Variants in BRD7 observed in about 807,000 individuals in gnomAD.
BRD7 encodes bromodomain containing 7.
Under a neutral mutation model 82.1 loss-of-function variants are expected in BRD7, and 15 were observed. That is an observed-to-expected ratio of 0.18 (90% CI 0.12 to 0.28). BRD7 has a LOEUF of 0.28. Ranked by LOEUF, BRD7 falls within the 10% of genes least tolerant of loss-of-function variation. BRD7 has a pLI of 1.00. For synonymous variants in BRD7, 232 were observed against 266.9 expected (o/e 0.87, Z 1.27); for missense variants, 638 against 779.9 (o/e 0.82, Z 2.17).
intron 5 of BRD7, among the ~76,000 whole-genome samples, chr16:50,345,184 G>C (rs534593185): frequency 1.4e-4 from 22 of 152,242 alleles, no homozygotes; most frequent in Non-Finnish European, 2.5e-4. Context: ...CATAAGTGAA[G>C]GAGAAATAAA....
chr16:50,349,701 C>A (rs760953122), intron 5 of BRD7: 20 of 438,652 alleles, frequency 4.6e-5, no homozygotes, highest in Non-Finnish European at 8.7e-5. Context: ...CCTCAACTTT[C>A]ATTAAAATAT....
At chr16:50,360,295 A>G (rs954330874) in intron 2 of BRD7, among the ~76,000 whole-genome samples, 12 of 152,244 alleles carry the variant, frequency 7.9e-5, no homozygotes, top group African/African-American at 2.7e-4. Flanking sequence ...ATTAACAGCT[A>G]AAGTCCTTAG....
chr16:50,364,121 T>C (rs1864433729), intron 2 of BRD7, among the ~76,000 whole-genome samples: 1 of 151,478 alleles, frequency 6.6e-6, no homozygotes, highest in South Asian at 2.1e-4. Context: ...CTAAGGTGAC[T>C]GTGTGATTAG....
rs377539224 is a variant in BRD7 at position 50,320,440 on chromosome 16, A to T, written c.1613-49T>A. The T allele has an allele frequency of 5.3e-5, 85 of 1,592,750 alleles. No homozygotes were observed. In the South Asian group the frequency reaches 9.3e-4, roughly 17 times the overall value. On this transcript the variant is annotated intron_variant, in intron 14 of 16. Transcript: ENST00000394688. Reference sequence around the variant, plus strand: ...ACTTCTGTTTGATCTTGTGCAGTAAACCGAATCCTAGGCTCTAGGGCTTTG... The same window carrying T: ...ACTTCTGTTTGATCTTGTGCAGTAATCCGAATCCTAGGCTCTAGGGCTTTG...
intron 13 of BRD7, 59 bp downstream of exon 13, chr16:50,321,923 T>C (rs993876494): frequency 6.7e-7 from 1 of 1,502,928 alleles, no homozygotes; most frequent in African/African-American, 1.4e-5. Flanking sequence ...TCTCAAGACT[T>C]CTCTTACTCC....
At chr16:50,368,605 C>A in intron 1 of BRD7, 121 bp downstream of exon 1, 1 of 1,084,112 alleles carries the variant, frequency 9.2e-7, no homozygotes, top group Non-Finnish European at 1.2e-6. Context: ...GCGCCCCCTT[C>A]GCCGGCCTGG....
At chr16:50,341,832 G>A (rs1160850768) in intron 5 of BRD7, among the ~76,000 whole-genome samples, 1 of 151,336 alleles carries the variant, frequency 6.6e-6, no homozygotes, top group Non-Finnish European at 1.5e-5. Context: ...AAGCCAATTT[G>A]TAGATTCCTT....
At chr16:50,320,456 T>C (rs1045763170) in intron 14 of BRD7, 65 bp from the exon 15 acceptor site, 4 of 1,571,440 alleles carry the variant, frequency 2.5e-6, no homozygotes, top group African/African-American at 2.7e-5. Context: ...TCCTAGGCTC[T>C]AGGGCTTTGC....
rs533491919 is a variant in BRD7, at chr16:50,359,374, C to A, written c.259-4452G>T. Among the ~76,000 whole-genome samples, 313 of 152,236 alleles carry A rather than the reference C, an allele frequency of 2.1e-3. 1 individual carries two copies. Among genetic ancestry groups the A allele is most frequent in the Admixed American group, 3.9e-3 (59 of 15,292 alleles). Reference sequence around the variant, plus strand: ...TTTAAAATAGACACAAGAATACATACCTCACAGGACTATTTTAAGGATTAA... The same window carrying A: ...TTTAAAATAGACACAAGAATACATAACTCACAGGACTATTTTAAGGATTAA... On this transcript the variant is annotated intron_variant, in intron 2 of 16. Transcript: ENST00000394688.
intron 7 of BRD7, 81 bp downstream of exon 7, chr16:50,334,630 A>C (rs1300996584): frequency 1.3e-6 from 2 of 1,520,756 alleles, no homozygotes; most frequent in East Asian, 2.3e-5. Context: ...GGTCTTCCCA[A>C]GTCAGGCCCC....
At chr16:50,350,297 C>G in intron 4 of BRD7, 130 bp from the exon 5 acceptor site, 1 of 617,902 alleles carries the variant, frequency 1.6e-6, no homozygotes. Flanking sequence ...ATATTTTTAA[C>G]TGAAAACTGA....
At chr16:50,361,842 C>T (rs2038947269) in intron 2 of BRD7, 3 of 152,216 alleles carry the variant, frequency 2.0e-5, no homozygotes, top group East Asian at 1.9e-4. Flanking sequence ...AGCTAATCCT[C>T]TAACAACAGC....
At chr16:50,368,617 C>T in intron 1 of BRD7, 109 bp downstream of exon 1, 1 of 1,175,842 alleles carries the variant, frequency 8.5e-7, no homozygotes, top group Non-Finnish European at 1.2e-6. Context: ...CCGGCCTGGG[C>T]CTGCCGTGGG....
intron 16 of BRD7, 121 bp downstream of exon 16, chr16:50,319,766 T>C: frequency 7.9e-7 from 1 of 1,270,688 alleles, no homozygotes; most frequent in South Asian, 1.4e-5. Context: ...ATCTACAGAT[T>C]TTGCTATCTT....
In BRD7 at chr16:50,317,856, T is replaced by G. The variant is rs2151121400; in HGVS notation, c.*1355A>C. The G allele has an allele frequency of 6.6e-6, 1 of 152,330 alleles. No individual in the cohort carries two copies. The highest frequency in any genetic ancestry group is 1.5e-5 in the Non-Finnish European group (1 of 68,002). 9.4% of individuals were successfully genotyped at this position (152,330 alleles called of 1,614,324 possible). The stretch of plus-strand genomic sequence containing the variant: ...TCTCCTGAGTTAACTTTTGTGAAAA[T>G]AATACCTAAGGTTTTCTGGCTTATT... On this transcript the variant is annotated 3_prime_UTR_variant, in exon 17 of 17. Coordinates refer to ENST00000394688, the MANE Select transcript of BRD7 (RefSeq NM_013263.5).
intron 2 of BRD7, among the ~76,000 whole-genome samples, chr16:50,358,938 T>A (rs2038841800): frequency 6.6e-6 from 1 of 152,254 alleles, no homozygotes; most frequent in Non-Finnish European, 1.5e-5. Context: ...CCCACTGTTT[T>A]AGTCTCAGTT....
chr16:50,335,648 A>T (rs572844755), intron 6 of BRD7, among the ~76,000 whole-genome samples: 1 of 152,238 alleles, frequency 6.6e-6, no homozygotes, highest in Non-Finnish European at 1.5e-5. Context: ...AGGGCTGCAC[A>T]GCAACAGCAG....
At chr16:50,361,444 A>T (rs975858269) in intron 2 of BRD7, among the ~76,000 whole-genome samples, 17 of 152,334 alleles carry the variant, frequency 1.1e-4, no homozygotes, top group African/African-American at 4.1e-4. Context: ...CTAAACCAGA[A>T]GTCGACCTAC....
At chr16:50,351,942 CCTTT>C (rs1463445076) in intron 4 of BRD7, among the ~76,000 whole-genome samples, 1 of 151,412 alleles carries the variant, frequency 6.6e-6, no homozygotes, top group Non-Finnish European at 1.5e-5. Flanking sequence ...CATTCAAAAT[CCTTT>C]CTTTTAGCTA....
Sources: gnomAD v4.1 joint callset for allele counts (sites outside exome capture counted in the v4.1 genomes callset) on GRCh38, gnomAD v4.1.1 for gene constraint, MANE v1.5 for transcripts, NCBI Gene and HGNC (gene_info 2026-07-23, HGNC 2026-07-21) for gene names.